INTS4: variants seen among roughly 807,000 people sequenced by gnomAD.
INTS4 encodes MSTP093.
In INTS4, 70 loss-of-function variants were observed where a neutral mutation model predicts 119.5. That is an observed-to-expected ratio of 0.59 (90% CI 0.48 to 0.71). INTS4 has a LOEUF of 0.71. INTS4 is among the 30% of genes least tolerant of loss of function. INTS4 has a pLI of 0.00. For synonymous variants in INTS4, 316 were observed against 419.6 expected (o/e 0.75, Z 3.02); for missense variants, 867 against 1,173.2 (o/e 0.74, Z 3.81).
At chr11:77,960,835 A>C in intron 5 of INTS4, 118 bp downstream of exon 5, 8 of 936,646 alleles carry the variant, frequency 8.5e-6, no homozygotes, top group Non-Finnish European at 1.3e-5. Context: ...GGCCACCACC[A>C]ATACCCTCCT....
chr11:77,978,281 C>T (rs1321236779), intron 4 of INTS4: 1 of 152,136 alleles, frequency 6.6e-6, no homozygotes, highest in African/African-American at 2.4e-5. Context: ...ATCTTTCCTG[C>T]ATCTCTGAGA....
intron 4 of INTS4, chr11:77,978,267 A>G (rs1856036328): frequency 6.6e-6 from 1 of 152,208 alleles, no homozygotes; most frequent in South Asian, 2.1e-4. Flanking sequence ...AGATAAATCA[A>G]GTAATCTTTC....
Position 77,956,079 on chromosome 11 carries a change from G to C in INTS4, c.798-17C>G, listed in dbSNP as rs1382370270. On this transcript the variant is annotated splice_polypyrimidine_tract_variant and intron_variant, in intron 7 of 22. Coordinates refer to ENST00000534064, the MANE Select transcript of INTS4 (RefSeq NM_033547.4). The stretch of plus-strand genomic sequence containing the variant: ...GGGACAATGCTAAATTAAAAGAAAA[G>C]AAATGAAATCACTTAGAACAAAACA... 2 of 1,582,222 alleles carry C rather than the reference G, an allele frequency of 1.3e-6. No individual in the cohort carries two copies. Among genetic ancestry groups the C allele is most frequent in the African/African-American group, 1.4e-5 (1 of 72,828 alleles).
At chr11:77,884,042 A>G in intron 21 of INTS4, 90 bp from the exon 22 acceptor site, 1 of 1,337,488 alleles carries the variant, frequency 7.5e-7, no homozygotes, top group Non-Finnish European at 1.0e-6. Context: ...CTCAAAACAC[A>G]AGAAGAAACA....
chr11:77,913,525 A>C lies in INTS4; in HGVS notation c.1922+5296T>G, dbSNP rs906734027. On this transcript the variant is annotated intron_variant, in intron 15 of 22. Transcript: ENST00000534064. The stretch of plus-strand genomic sequence containing the variant: ...ATGGGGTTTCATCGTGTTAGCCAGG[A>C]TGGTCTCGATCTCCTGAGCTCGTGA... Among the ~76,000 whole-genome samples the C allele has an allele frequency of 7.3e-4, 111 of 152,114 alleles. 1 individual carries two copies. The highest frequency in any genetic ancestry group is 3.9e-4 in the East Asian group (2 of 5,168).
chr11:77,914,956 T>C (rs1487062740), intron 15 of INTS4: 1 of 183,546 alleles, frequency 5.4e-6, no homozygotes, highest in African/African-American at 2.4e-5. Context: ...ATTACAGTGA[T>C]GGTATTCAGG....
intron 14 of INTS4, among the ~76,000 whole-genome samples, chr11:77,920,258 CATATATACACAT>C (rs1953322948): frequency 7.0e-6 from 1 of 142,500 alleles, no homozygotes; most frequent in East Asian, 2.0e-4. Context: ...TACATATATA[CATATATACACAT>C]ATATATACAC....
intron 4 of INTS4, among the ~76,000 whole-genome samples, chr11:77,974,295 T>G (rs1245571315): frequency 1.4e-5 from 2 of 142,392 alleles, no homozygotes; most frequent in Non-Finnish European, 3.0e-5. Context: ...CAGGCTGGAG[T>G]GCAATGGCAT....
Position 77,941,227 on chromosome 11 carries a change from G to A in INTS4, c.943C>T (p.His315Tyr). The A allele has an allele frequency of 6.2e-7, 1 of 1,612,776 alleles. No individual in the cohort carries two copies. ...TTGTCAAGGGTCTGCTCCAAGAAAT[G>A]AGAACTGACTTGCTCCATAGAGCCC... ...LLGSMEQVSS[H>Y]FLEQTLDKKL... The change falls in exon 9 of 23, where the codon CAT (histidine) becomes TAT (tyrosine). Residue 315 changes from histidine (H) to tyrosine (Y), a missense_variant. Transcript: ENST00000534064.
rs537781724 is a variant in INTS4 at position 77,896,296 on chromosome 11, G to A, written c.2229-1947C>T. Among the ~76,000 whole-genome samples the A allele has an allele frequency of 1.8e-4, 28 of 152,198 alleles. No homozygotes were observed. The East Asian group carries it at 3.9e-3, about 21-fold the overall frequency. Reference sequence around the variant, plus strand: ...ACATAATAATGAAATCAAACTCAACGGTTCAGAACAGTGGAATCAACAACA... The same window carrying A: ...ACATAATAATGAAATCAAACTCAACAGTTCAGAACAGTGGAATCAACAACA... On this transcript the variant is annotated intron_variant, in intron 18 of 22. Coordinates refer to ENST00000534064, the MANE Select transcript of INTS4 (RefSeq NM_033547.4).
At chr11:77,914,815 T>C in intron 15 of INTS4, among the ~76,000 whole-genome samples, 1 of 152,210 alleles carries the variant, frequency 6.6e-6, no homozygotes. Context: ...GTACTGTTAC[T>C]GGCACATCAC....
At chr11:77,930,855 C>T (rs1953630641) in intron 10 of INTS4, among the ~76,000 whole-genome samples, 1 of 152,104 alleles carries the variant, frequency 6.6e-6, no homozygotes, top group Non-Finnish European at 1.5e-5. Context: ...TAATATGTCA[C>T]AGATTCCCTA....
intron 8 of INTS4, among the ~76,000 whole-genome samples, chr11:77,955,287 TGAC>T (rs1954290670): frequency 6.6e-6 from 1 of 152,204 alleles, no homozygotes; most frequent in Non-Finnish European, 1.5e-5. Flanking sequence ...CAGTGAGCCG[TGAC>T]TGCACTATTG....
Position 77,900,187 on chromosome 11 carries a change from C to T in INTS4, c.2228+1234G>A, listed in dbSNP as rs1286568924. Among the ~76,000 whole-genome samples, 3 of 151,986 alleles carry T rather than the reference C, an allele frequency of 2.0e-5. No individual in the cohort carries two copies. The East Asian group carries it at 5.8e-4, about 29-fold the overall frequency. On this transcript the variant is annotated intron_variant, in intron 18 of 22. Coordinates refer to ENST00000534064, the MANE Select transcript of INTS4 (RefSeq NM_033547.4). The stretch of plus-strand genomic sequence containing the variant: ...TGATTTCGGCCCACTGCAACCTCCA[C>T]CTCCCAGGTTCTAAAGATTCTCCTG...
chr11:77,936,307 A>G (rs1010976454), intron 10 of INTS4, among the ~76,000 whole-genome samples: 1 of 152,242 alleles, frequency 6.6e-6, no homozygotes, highest in African/African-American at 2.4e-5. Context: ...AATTATAAAC[A>G]TATTATCTGT....
At chr11:77,971,102 C>T (rs1276408760) in intron 4 of INTS4, among the ~76,000 whole-genome samples, 1 of 152,076 alleles carries the variant, frequency 6.6e-6, no homozygotes, top group Non-Finnish European at 1.5e-5. Context: ...GCCACAGCAC[C>T]CAGCTCATTG....
chr11:77,922,138 G>T (rs936900939), intron 13 of INTS4, among the ~76,000 whole-genome samples: 2 of 149,992 alleles, frequency 1.3e-5, no homozygotes, highest in African/African-American at 4.9e-5. Flanking sequence ...TGAGGCAGGA[G>T]AATTGTTTGA....
intron 13 of INTS4, 38 bp downstream of exon 13, chr11:77,922,318 G>T (rs1245507380): frequency 1.3e-6 from 2 of 1,535,608 alleles, no homozygotes; most frequent in Non-Finnish European, 1.8e-6. Flanking sequence ...AAAGCTGCCT[G>T]CCAACACATC....
At chr11:77,982,238 T>C (rs1856270869) in intron 2 of INTS4, among the ~76,000 whole-genome samples, 1 of 150,870 alleles carries the variant, frequency 6.6e-6, no homozygotes, top group Admixed American at 6.7e-5. Context: ...TGAGCTCAAG[T>C]GAACCTCCAA....
Sources: allele counts gnomAD v4.1 joint callset (sites outside exome capture counted in the v4.1 genomes callset), GRCh38; gene constraint gnomAD v4.1.1; transcripts MANE v1.5; gene names NCBI Gene and HGNC (gene_info 2026-07-23, HGNC 2026-07-21).